PCDHB5: variants seen among roughly 807,000 people sequenced by gnomAD.
PCDHB5 encodes the protein protocadherin beta 5.
For missense variants in PCDHB5, 1,125 were observed against 1,029.4 expected, an observed-to-expected ratio of 1.09 and a Z score of -1.27; for synonymous variants, 569 against 462.2, an observed-to-expected ratio of 1.23 and a Z score of -2.96.
At position 141,138,178 on chromosome 5, in the gene PCDHB5, G is replaced by T. The variant is rs1260471140; in HGVS notation, c.*356G>T. ...TCACACTCTTAAGTATTATATATTTGATGCTAAAATGCAAAAATTAAAAAT... is the reference window on the plus strand; with the variant it reads ...TCACACTCTTAAGTATTATATATTTTATGCTAAAATGCAAAAATTAAAAAT... On this transcript the variant is annotated 3_prime_UTR_variant, in exon 1 of 1. Coordinates refer to ENST00000231134, the MANE Select transcript of PCDHB5 (RefSeq NM_015669.5). The T allele has an allele frequency of 2.2e-5, 4 of 184,516 alleles. No homozygotes were observed. 11.4% of individuals were successfully genotyped at this position (184,516 alleles called of 1,614,324 possible).
rs1752636382 is a variant in PCDHB5, at chr5:141,137,865, C to T, written c.*43C>T. ...GTTGTTTTCTGCCATTTATCCCAAA[C>T]TTTTTCAGATCTAGAATTCGAGAGT... On this transcript the variant is annotated 3_prime_UTR_variant, in exon 1 of 1. Coordinates refer to ENST00000231134, the MANE Select transcript of PCDHB5 (RefSeq NM_015669.5). 4 of 1,506,276 alleles carry T rather than the reference C, an allele frequency of 2.7e-6. 1 individual carries two copies. The South Asian group carries it at 5.3e-5, about 20-fold the overall frequency. 93.3% of individuals were successfully genotyped at this position (1,506,276 alleles called of 1,614,324 possible).
chr5:141,136,912 A>G lies in PCDHB5; in HGVS notation c.1478A>G (p.Gln493Arg), dbSNP rs782731686. 3.7e-6 allele frequency: 6 copies of G among 1,612,548 alleles called. No homozygotes were observed. Among genetic ancestry groups the G allele is most frequent in the Non-Finnish European group, 5.1e-6 (6 of 1,180,026 alleles). Residue 493 changes from glutamine (Q) to arginine (R), a missense_variant, in exon 1 of 1, where the codon CAG becomes CGG. Coordinates refer to ENST00000231134, the MANE Select transcript of PCDHB5 (RefSeq NM_015669.5). ...AQVTYSLLPP[Q>R]NPHLRLASLV... ...GTCACCTACTCGCTGCTGCCGCCCCAGAACCCACACCTGCGCCTCGCCTCC... is the reference window on the plus strand; with the variant it reads ...GTCACCTACTCGCTGCTGCCGCCCCGGAACCCACACCTGCGCCTCGCCTCC...
At position 141,136,353 on chromosome 5, in the gene PCDHB5, G is replaced by GC; in HGVS notation, c.919_920insC (p.Asp307AlafsTer9). ...AGAAATTCGCCTGAAAAGGGCATTG[G>GC]ATTTCGAGGCAACTCCATATTATAA... On this transcript the variant is annotated frameshift_variant, in exon 1 of 1. Coordinates refer to ENST00000231134, the MANE Select transcript of PCDHB5 (RefSeq NM_015669.5). LOFTEE classifies it low-confidence loss of function (END_TRUNC). 1 of 1,614,096 alleles carries GC rather than the reference G, an allele frequency of 6.2e-7. No homozygotes were observed.
chr5:141,137,602 G>A lies in PCDHB5; in HGVS notation c.2168G>A (p.Arg723His), dbSNP rs1331528803. ...CRRSRAAPVGRCSVPEGPFPG... is the reference protein window; with the variant it reads ...CRRSRAAPVGHCSVPEGPFPG... ...AGGAGCAGGGCGGCCCCGGTCGGTC[G>A]CTGCTCGGTGCCCGAGGGCCCCTTT... The change falls in exon 1 of 1, where the codon CGC becomes CAC. Residue 723 changes from arginine to histidine, a missense_variant. Physicochemically the swap from Arg to His is conservative, Grantham distance 29. Transcript: ENST00000231134. The A allele has an allele frequency of 3.1e-6, 5 of 1,613,180 alleles. No homozygotes were observed. The Admixed American group carries it at 8.3e-5, about 27-fold the overall frequency.
Position 141,137,193 on chromosome 5 carries a change from A to C in PCDHB5, c.1759A>C (p.Lys587Gln). Residue 587 changes from lysine to glutamine, a missense_variant, in exon 1 of 1, where the codon AAG (lysine) becomes CAG (glutamine). By Grantham distance (53) the Lys-to-Gln change is moderately conservative. Coordinates refer to ENST00000231134, the MANE Select transcript of PCDHB5 (RefSeq NM_015669.5). ...GGCCGAGCCGGGCTACCTGGTGACC[A>C]AGGTGGTGGCGGTGGACGGTGACTC... is the stretch of plus-strand genomic sequence containing the variant. Reference protein sequence around the residue: ...RAAEPGYLVTKVVAVDGDSGQ... With the variant: ...RAAEPGYLVTQVVAVDGDSGQ... 2 of 1,610,968 alleles carry C rather than the reference A, an allele frequency of 1.2e-6. No individual in the cohort carries two copies. Among genetic ancestry groups the C allele is most frequent in the African/African-American group, 2.7e-5 (2 of 74,956 alleles).
chr5:141,136,861 A>T lies in PCDHB5; in HGVS notation c.1427A>T (p.Asp476Val). Residue 476 changes from aspartate (D) to valine (V), a missense_variant, in exon 1 of 1, where the codon GAC (aspartate) becomes GTC (valine). Physicochemically the swap from Asp to Val is radical, Grantham distance 152. Coordinates refer to ENST00000231134, the MANE Select transcript of PCDHB5 (RefSeq NM_015669.5). ...CACATCGGCAGTGTCAGCGCCACAG[A>T]CAGAGACTCAGGCACCAACGCCCAG... Reference protein sequence around the residue: ...ALHIGSVSATDRDSGTNAQVT... With the variant: ...ALHIGSVSATVRDSGTNAQVT... 1.2e-6 allele frequency: 2 copies of T among 1,612,830 alleles called. No individual in the cohort carries two copies. Among genetic ancestry groups the T allele is most frequent in the Non-Finnish European group, 1.7e-6 (2 of 1,179,996 alleles).
Position 141,136,572 on chromosome 5 carries a change from A to G in PCDHB5, c.1138A>G (p.Met380Val). The G allele has an allele frequency of 6.2e-7, 1 of 1,614,080 alleles. No homozygotes were observed. The highest frequency in any genetic ancestry group is 8.5e-7 in the Non-Finnish European group (1 of 1,180,026). The change falls in exon 1 of 1, where the codon ATG becomes GTG. Residue 380 changes from methionine (M) to valine (V), a missense_variant. Met to Val is a conservative substitution (Grantham distance 21). Coordinates refer to ENST00000231134, the MANE Select transcript of PCDHB5 (RefSeq NM_015669.5). ...SDPDSGDNGR[M>V]ICSIQNDLPF... ...TCCAGACTCCGGGGACAACGGTAGG[A>G]TGATTTGCTCCATCCAGAATGATCT...
In PCDHB5 at chr5:141,137,438, C is replaced by T. The variant is rs782521913; in HGVS notation, c.2004C>T (p.Pro668=). The change falls in exon 1 of 1, where the codon CCC becomes CCT. Residue 668 remains proline (P), a synonymous_variant. Coordinates refer to ENST00000231134, the MANE Select transcript of PCDHB5 (RefSeq NM_015669.5). The part of the protein sequence containing the change: ...HVLLVDGFSQ[P]YLPLPEAAPA... ...TCCTGGTGGACGGCTTCTCCCAGCCCTACCTGCCGCTGCCGGAGGCGGCCC... is the reference window on the plus strand; with the variant it reads ...TCCTGGTGGACGGCTTCTCCCAGCCTTACCTGCCGCTGCCGGAGGCGGCCC... 9 of 1,612,072 alleles carry T rather than the reference C, an allele frequency of 5.6e-6. No individual in the cohort carries two copies. Among genetic ancestry groups the T allele is most frequent in the Admixed American group, 3.3e-5 (2 of 59,968 alleles).
chr5:141,137,323 G>T lies in PCDHB5; in HGVS notation c.1889G>T (p.Ser630Ile). The T allele has an allele frequency of 6.2e-7, 1 of 1,610,042 alleles. No homozygotes were observed. The highest frequency in any genetic ancestry group is 8.5e-7 in the Non-Finnish European group (1 of 1,179,570). ...NGEVRTARLL[S>I]ERDAAKHRLV... ...GAGGTGCGCACCGCCAGGCTGCTGA[G>T]CGAGCGCGACGCGGCCAAGCACAGG... The change falls in exon 1 of 1, where the codon AGC (serine) becomes ATC (isoleucine). Residue 630 changes from serine (S) to isoleucine (I), a missense_variant. Physicochemically the swap from Ser to Ile is moderately radical, Grantham distance 142. Coordinates refer to ENST00000231134, the MANE Select transcript of PCDHB5 (RefSeq NM_015669.5).
Position 141,137,819 on chromosome 5 carries a change from T to G in PCDHB5, c.2385T>G (p.Asn795Lys). 6.3e-7 allele frequency: 1 copy of G among 1,586,504 alleles called. No homozygotes were observed. The highest frequency in any genetic ancestry group is 8.6e-7 in the Non-Finnish European group (1 of 1,165,860). ...TAAFRNSFGL[N>K] The stretch of plus-strand genomic sequence containing the variant: ...CCTTCCGGAATAGCTTTGGATTAAA[T>G]TAGAGATCTCGTGATGACGCGTTGT... The change falls in exon 1 of 1, where the codon AAT becomes AAG. Residue 795 changes from asparagine (N) to lysine (K), a missense_variant. By Grantham distance (94) the Asn-to-Lys change is moderately conservative. Coordinates refer to ENST00000231134, the MANE Select transcript of PCDHB5 (RefSeq NM_015669.5).
rs1010190929 is a variant in PCDHB5 at position 141,136,336 on chromosome 5, G to A, written c.902G>A (p.Arg301His). 2 of 1,614,154 alleles carry A rather than the reference G, an allele frequency of 1.2e-6. No individual in the cohort carries two copies. Among genetic ancestry groups the A allele is most frequent in the Admixed American group, 1.7e-5 (1 of 60,026 alleles). ...ATAGACGAGAAAACAGCAGAAATTCGCCTGAAAAGGGCATTGGATTTCGAG... is the reference window on the plus strand; with the variant it reads ...ATAGACGAGAAAACAGCAGAAATTCACCTGAAAAGGGCATTGGATTTCGAG... ...FVIDEKTAEI[R>H]LKRALDFEAT... The change falls in exon 1 of 1, where the codon CGC becomes CAC. Residue 301 changes from arginine to histidine, a missense_variant. Arg to His is a conservative substitution (Grantham distance 29). Coordinates refer to ENST00000231134, the MANE Select transcript of PCDHB5 (RefSeq NM_015669.5).
In PCDHB5 at chr5:141,136,233, C is replaced by A. The variant is rs527435911; in HGVS notation, c.799C>A (p.Arg267=). The A allele has an allele frequency of 1.9e-6, 3 of 1,614,040 alleles. No homozygotes were observed. In the South Asian group the frequency reaches 3.3e-5, roughly 18 times the overall value. ...LNSLVVVVSA[R]DLDAGAYGSV... ...CTCCTTAGTTGTCGTTGTCTCCGCT[C>A]GAGATTTAGATGCAGGAGCATATGG... The change falls in exon 1 of 1, where the codon CGA becomes AGA. Residue 267 remains arginine, a synonymous_variant. Transcript: ENST00000231134.
chr5:141,137,768 T>C lies in PCDHB5; in HGVS notation c.2334T>C (p.Ala778=). The C allele has an allele frequency of 1.2e-6, 2 of 1,613,884 alleles. No individual in the cohort carries two copies. Among genetic ancestry groups the C allele is most frequent in the Middle Eastern group, 1.7e-4 (1 of 6,056 alleles). The change falls in exon 1 of 1, where the codon GCT becomes GCC. Residue 778 remains alanine (A), a synonymous_variant. Transcript: ENST00000231134. ...TTCCTAACCTTTTGCCCCAGGGCGC[T>C]GGTGAAGAAATAGGGAAAACTGCTG... ...PIIPNLLPQG[A]GEEIGKTAAF... is the part of the protein sequence containing the mutation.
chr5:141,136,207 A>G lies in PCDHB5; in HGVS notation c.773A>G (p.Asn258Ser). ...CAGGTGCCCGAGAACAGCCCCCTTA[A>G]CTCCTTAGTTGTCGTTGTCTCCGCT... The part of the protein sequence containing the change: ...EVQVPENSPL[N>S]SLVVVVSARD... Residue 258 changes from asparagine to serine, a missense_variant, in exon 1 of 1, where the codon AAC (asparagine) becomes AGC (serine). Coordinates refer to ENST00000231134, the MANE Select transcript of PCDHB5 (RefSeq NM_015669.5). The G allele has an allele frequency of 1.2e-6, 2 of 1,613,858 alleles. No individual in the cohort carries two copies. Among genetic ancestry groups the G allele is most frequent in the Non-Finnish European group, 8.5e-7 (1 of 1,179,940 alleles).
Position 141,136,682 on chromosome 5 carries a change from C to A in PCDHB5, c.1248C>A (p.Tyr416Ter). 1 of 1,614,136 alleles carries A rather than the reference C, an allele frequency of 6.2e-7. No homozygotes were observed. The highest frequency in any genetic ancestry group is 8.5e-7 in the Non-Finnish European group (1 of 1,180,020). The change falls in exon 1 of 1, where the codon TAC becomes TAA. Residue 416 changes from tyrosine (Y) to a stop codon, truncating the protein, a stop_gained. Transcript: ENST00000231134. LOFTEE classifies it low-confidence loss of function (END_TRUNC). Reference protein sequence around the residue: ...RTLDRESQAEYNITITVTDMG... With the variant: ...RTLDRESQAE ...TGGACAGAGAGAGCCAAGCCGAGTA[C>A]AACATCACCATCACTGTCACCGACA...
In PCDHB5 at chr5:141,137,506, T is replaced by C. The variant is rs782153701; in HGVS notation, c.2072T>C (p.Val691Ala). ...GACTCGCTCACTGTCTACCTGGTGG[T>C]GGCATTGGCCTCGGTGTCGTCGCTC... is the stretch of plus-strand genomic sequence containing the variant. ...QADSLTVYLV[V>A]ALASVSSLFL... is the part of the protein sequence containing the mutation. Residue 691 changes from valine to alanine, a missense_variant, in exon 1 of 1, where the codon GTG becomes GCG. Coordinates refer to ENST00000231134, the MANE Select transcript of PCDHB5 (RefSeq NM_015669.5). The C allele has an allele frequency of 2.0e-5, 32 of 1,612,460 alleles. No individual in the cohort carries two copies. Among genetic ancestry groups the C allele is most frequent in the Admixed American group, 5.0e-5 (3 of 60,012 alleles).
Position 141,135,534 on chromosome 5 carries a change from T to C in PCDHB5, c.100T>C (p.Ser34Pro). The change falls in exon 1 of 1, where the codon TCC (serine) becomes CCC (proline). Residue 34 changes from serine (S) to proline (P), a missense_variant. Physicochemically the swap from Ser to Pro is moderately conservative, Grantham distance 74 (BLOSUM62 -1). Transcript: ENST00000231134. Reference sequence around the variant, plus strand: ...GGCTGGCTCTGAGGCAGTTAGGTATTCCATACCAGAAGAAACAGAAAGTGG... The same window carrying C: ...GGCTGGCTCTGAGGCAGTTAGGTATCCCATACCAGAAGAAACAGAAAGTGG... ...WEAGSEAVRY[S>P]IPEETESGYS... 1 of 1,613,996 alleles carries C rather than the reference T, an allele frequency of 6.2e-7. No individual in the cohort carries two copies. Among genetic ancestry groups the C allele is most frequent in the Non-Finnish European group, 8.5e-7 (1 of 1,179,910 alleles).
Position 141,135,647 on chromosome 5 carries a change from CAAAG to C in PCDHB5, c.215_218del (p.Lys72SerfsTer7). On this transcript the variant is annotated frameshift_variant, in exon 1 of 1. Transcript: ENST00000231134. LOFTEE classifies it low-confidence loss of function (END_TRUNC). ...GCGCGCGAATGCATTACAAAGGAAA[CAAAG>C]AGCTCTTGCAGCTTGATATAAAGAC... The C allele has an allele frequency of 5.6e-6, 9 of 1,614,070 alleles. No individual in the cohort carries two copies. Among genetic ancestry groups the C allele is most frequent in the Non-Finnish European group, 7.6e-6 (9 of 1,180,014 alleles).
chr5:141,136,684 A>G lies in PCDHB5; in HGVS notation c.1250A>G (p.Asn417Ser), dbSNP rs1554275961. The change falls in exon 1 of 1, where the codon AAC becomes AGC. Residue 417 changes from asparagine to serine, a missense_variant. Physicochemically the swap from Asn to Ser is conservative, Grantham distance 46. Transcript: ENST00000231134. ...GACAGAGAGAGCCAAGCCGAGTACA[A>G]CATCACCATCACTGTCACCGACATG... ...TLDRESQAEY[N>S]ITITVTDMGT... 6.2e-7 allele frequency: 1 copy of G among 1,614,158 alleles called. No individual in the cohort carries two copies. The highest frequency in any genetic ancestry group is 2.2e-5 in the East Asian group (1 of 44,880).
Sources: allele counts gnomAD v4.1 joint callset, GRCh38; gene constraint gnomAD v4.1.1; transcripts MANE v1.5; gene names NCBI Gene and HGNC (gene_info 2026-07-23, HGNC 2026-07-21).